The following ZC3H4 variants were observed in gnomAD, a reference collection of about 807,000 sequenced individuals.
ZC3H4 encodes the protein zinc finger CCCH-type containing 4.
In ZC3H4, 13 loss-of-function variants were observed where a neutral mutation model predicts 108.3. That is an observed-to-expected ratio of 0.12 (90% CI 0.08 to 0.19). ZC3H4 has a LOEUF of 0.19. ZC3H4 is among the 10% of genes least tolerant of loss of function. The pLI, the probability that ZC3H4 is intolerant of heterozygous loss-of-function variation, is 1.00. For synonymous variants in ZC3H4, 917 were observed against 749.6 expected (o/e 1.22, Z -3.65); for missense variants, 1,734 against 1,838.8 (o/e 0.94, Z 1.04).
intron 2 of ZC3H4, chr19:47,097,079 C>T: frequency 1.3e-6 from 1 of 778,162 alleles, no homozygotes; most frequent in Non-Finnish European, 1.6e-6. Context: ...AGAGCCTTAA[C>T]CATCATCCAG....
At chr19:47,069,379 AG>A (rs1599965813) in intron 13 of ZC3H4, 36 bp from the exon 14 acceptor site, 2 of 1,594,700 alleles carry the variant, frequency 1.3e-6, no homozygotes, top group East Asian at 2.3e-5. Context: ...CATGTCGGGA[AG>A]GGCCTCCAGG....
intron 11 of ZC3H4, among the ~76,000 whole-genome samples, chr19:47,078,110 T>A (rs1055299713): frequency 1.3e-5 from 2 of 152,086 alleles, no homozygotes; most frequent in Non-Finnish European, 2.9e-5. Context: ...CTTAAAAAAT[T>A]TTTTTTCCAG....
At chr19:47,095,151 G>A (rs1214174835) in intron 2 of ZC3H4, among the ~76,000 whole-genome samples, 1 of 152,202 alleles carries the variant, frequency 6.6e-6, no homozygotes, top group Non-Finnish European at 1.5e-5. Flanking sequence ...CAGTGAGCTG[G>A]GCGTCAGTGC....
chr19:47,067,904 G>A lies in ZC3H4; in HGVS notation c.2399-35C>T, dbSNP rs1339655756. On this transcript the variant is annotated intron_variant, in intron 14 of 14. Coordinates refer to ENST00000253048, the MANE Select transcript of ZC3H4 (RefSeq NM_015168.2). The surrounding 1 kb of genome is among the most constrained non-coding windows in gnomAD (Gnocchi z 6.4). ...AACAGAGGAGCAGGGAGGGGTGAGTGGGCGCATCCACCACCCGCCCTCTTG... is the reference window on the plus strand; with the variant it reads ...AACAGAGGAGCAGGGAGGGGTGAGTAGGCGCATCCACCACCCGCCCTCTTG... 2 of 1,545,564 alleles carry A rather than the reference G, an allele frequency of 1.3e-6. No individual in the cohort carries two copies. The highest frequency in any genetic ancestry group is 1.9e-5 in the Admixed American group (1 of 51,878).
intron 5 of ZC3H4, 68 bp downstream of exon 5, chr19:47,089,899 C>T: frequency 6.4e-7 from 1 of 1,556,450 alleles, no homozygotes; most frequent in Middle Eastern, 1.8e-4. Flanking sequence ...TTCTGTGAGA[C>T]CAGGCCACCG....
At chr19:47,098,796 T>C (rs563709558) in intron 2 of ZC3H4, among the ~76,000 whole-genome samples, 1 of 152,296 alleles carries the variant, frequency 6.6e-6, no homozygotes, top group East Asian at 1.9e-4. Flanking sequence ...AGATATTTCA[T>C]GTCCAAAGTA....
At chr19:47,075,742 T>C (rs1171487112) in intron 11 of ZC3H4, among the ~76,000 whole-genome samples, 2 of 152,116 alleles carry the variant, frequency 1.3e-5, no homozygotes, top group Non-Finnish European at 2.9e-5. Context: ...AGTGAACGAC[T>C]AAGCAAGGAA....
chr19:47,067,913 C>T lies in ZC3H4; in HGVS notation c.2399-44G>A, dbSNP rs1444224189. On this transcript the variant is annotated intron_variant, in intron 14 of 14. Transcript: ENST00000253048. The surrounding 1 kb of genome is among the most constrained non-coding windows in gnomAD (Gnocchi z 6.4). ...GCAGGGAGGGGTGAGTGGGCGCATCCACCACCCGCCCTCTTGGATCCCACA... is the reference window on the plus strand; with the variant it reads ...GCAGGGAGGGGTGAGTGGGCGCATCTACCACCCGCCCTCTTGGATCCCACA... The T allele has an allele frequency of 3.3e-6, 5 of 1,519,446 alleles. No individual in the cohort carries two copies. Among genetic ancestry groups the T allele is most frequent in the South Asian group, 1.2e-5 (1 of 83,772 alleles). 94.1% of individuals were successfully genotyped at this position (1,519,446 alleles called of 1,614,324 possible). A position where few individuals can be genotyped will look rare whatever the true frequency, so the allele number is the denominator to read the frequency against.
chr19:47,081,754 C>A, intron 10 of ZC3H4, 132 bp from the exon 11 acceptor site: 1 of 769,522 alleles, frequency 1.3e-6, no homozygotes. Flanking sequence ...AGGCGATGTG[C>A]TAAGGGCTGC....
intron 6 of ZC3H4, 73 bp from the exon 7 acceptor site, chr19:47,085,487 GCTC>G (rs2057603754): frequency 6.8e-6 from 9 of 1,328,178 alleles, no homozygotes; most frequent in African/African-American, 2.9e-5. Flanking sequence ...CCTACACACT[GCTC>G]CTTTTTGAAG....
At chr19:47,084,773 G>C (rs1217902556) in intron 8 of ZC3H4, among the ~76,000 whole-genome samples, 3 of 152,196 alleles carry the variant, frequency 2.0e-5, no homozygotes, top group Non-Finnish European at 4.4e-5. Flanking sequence ...AAACCTTCCA[G>C]GGCTAATTGG....
At position 47,081,601 on chromosome 19, in the gene ZC3H4, T is replaced by C. The variant is rs1476962307; in HGVS notation, c.1352A>G (p.Tyr451Cys). 1.2e-6 allele frequency: 2 copies of C among 1,614,186 alleles called. No homozygotes were observed. Among genetic ancestry groups the C allele is most frequent in the Non-Finnish European group, 1.7e-6 (2 of 1,180,012 alleles). The change falls in exon 11 of 15, where the codon TAC (tyrosine) becomes TGC (cysteine). Residue 451 changes from tyrosine to cysteine, a missense_variant. Coordinates refer to ENST00000253048, the MANE Select transcript of ZC3H4 (RefSeq NM_015168.2). ...YMHGDFPCKL[Y>C]HTTGNCINGD... ...ATTGATGCAGTTCCCAGTGGTGTGGTACAGCTTACACGGGAAATCACGTTC... is the reference window on the plus strand; with the variant it reads ...ATTGATGCAGTTCCCAGTGGTGTGGCACAGCTTACACGGGAAATCACGTTC...
intron 2 of ZC3H4, among the ~76,000 whole-genome samples, chr19:47,105,198 T>C (rs1029812374): frequency 6.6e-6 from 1 of 152,326 alleles, no homozygotes; most frequent in Admixed American, 6.5e-5. Context: ...TACCAGACAG[T>C]GCATACCATA....
At chr19:47,085,237 T>TCCCC in intron 7 of ZC3H4, 42 bp from the exon 8 acceptor site, 1 of 813,248 alleles carries the variant, frequency 1.2e-6, no homozygotes, top group Non-Finnish European at 1.8e-6. Flanking sequence ...GACCACCCCC[T>TCCCC]CCCCCACCCC....
At chr19:47,100,313 G>A (rs1378656958) in intron 2 of ZC3H4, among the ~76,000 whole-genome samples, 1 of 152,150 alleles carries the variant, frequency 6.6e-6, no homozygotes, top group East Asian at 1.9e-4. Context: ...ATGCTTTTCA[G>A]TGTCCTTACT....
At position 47,067,587 on chromosome 19, in the gene ZC3H4, C is replaced by A; in HGVS notation, c.2681G>T (p.Arg894Leu). 1 of 1,602,398 alleles carries A rather than the reference C, an allele frequency of 6.2e-7. No homozygotes were observed. Residue 894 changes from arginine to leucine, a missense_variant, in exon 15 of 15, where the codon CGC becomes CTC. Physicochemically the swap from Arg to Leu is moderately radical, Grantham distance 102. Around this residue, in one of 9 missense-constraint regions of ZC3H4, gnomAD observed 540 missense variants for 484.1 expected, o/e 1.12. Coordinates refer to ENST00000253048, the MANE Select transcript of ZC3H4 (RefSeq NM_015168.2). The surrounding 1 kb of genome is among the most constrained non-coding windows in gnomAD (Gnocchi z 6.4). ...TTCGGGCTTGGAGGTGGGCAGGGCG[C>A]GAGCCAGCCGAGGATCGGAGGGTCC... is the stretch of plus-strand genomic sequence containing the variant. ...DSGPSDPRLA[R>L]ALPTSKPEGS...
At chr19:47,099,765 T>C (rs956859898) in intron 2 of ZC3H4, among the ~76,000 whole-genome samples, 1 of 148,112 alleles carries the variant, frequency 6.8e-6, no homozygotes, top group African/African-American at 2.5e-5. Context: ...ACAAGAGGGT[T>C]GGACGAAAGC....
intron 2 of ZC3H4, among the ~76,000 whole-genome samples, chr19:47,105,536 T>G (rs557485792): frequency 2.0e-5 from 3 of 152,068 alleles, no homozygotes; most frequent in African/African-American, 7.2e-5. Context: ...GAGGCAGAGG[T>G]TGCAGTGAGC....
Position 47,085,130 on chromosome 19 carries a change from G to C in ZC3H4, c.1033C>G (p.Arg345Gly), listed in dbSNP as rs772600740. The stretch of plus-strand genomic sequence containing the variant: ...TTCATCCCTCCTCGGCTGCCACCTC[G>C]GCCTCGGCCCCGACCCATTCCTTTC... ...RGKGMGRGRG[R>G]GGSRGGMNKG... Residue 345 changes from arginine (R) to glycine (G), a missense_variant, in exon 8 of 15, where the codon CGA becomes GGA. This residue lies in a region of ZC3H4 where 403 missense variants were observed against 457.0 expected (regional missense o/e 0.88). Coordinates refer to ENST00000253048, the MANE Select transcript of ZC3H4 (RefSeq NM_015168.2). The C allele has an allele frequency of 5.0e-6, 8 of 1,614,088 alleles. No individual in the cohort carries two copies. The South Asian group carries it at 8.8e-5, about 18-fold the overall frequency.
Sources: gnomAD v4.1 joint callset for allele counts (sites outside exome capture counted in the v4.1 genomes callset) on GRCh38, gnomAD v4.1.1 for gene constraint, gnomAD v4.1.1 regional missense constraint, Gnocchi (gnomAD v3.1) non-coding constraint, MANE v1.5 for transcripts, NCBI Gene and HGNC (gene_info 2026-07-23, HGNC 2026-07-21) for gene names.